UQCC6: variants seen among roughly 807,000 people sequenced by gnomAD.
UQCC6 encodes the protein protein BRAWNIN.
At chr12:103,956,732 C>T in the UQCC6 span, 1 of 1,550,528 alleles carries the variant, frequency 6.4e-7, no homozygotes, top group Non-Finnish European at 8.7e-7. Flanking sequence ...GGCACGCCCG[C>T]GGGCATGGTC....
At chr12:103,960,925 TTACAG>T in the UQCC6 span, among the ~76,000 whole-genome samples, 4 of 152,166 alleles carry the variant, frequency 2.6e-5, no homozygotes, top group Non-Finnish European at 5.9e-5. Context: ...TTTATGGTTC[TTACAG>T]TATACTCCTT....
At chr12:103,955,733 G>C in the UQCC6 span, 1 of 455,712 alleles carries the variant, frequency 2.2e-6, no homozygotes, top group East Asian at 6.9e-5. Flanking sequence ...AAACAGAAAT[G>C]ACTGCTCCCA....
the UQCC6 span, chr12:103,955,791 T>C: frequency 8.8e-6 from 4 of 455,890 alleles, no homozygotes; most frequent in Non-Finnish European, 1.8e-5. Context: ...AACAGCACAT[T>C]CTTGTAATTA....
At chr12:103,959,880 T>C in the UQCC6 span, among the ~76,000 whole-genome samples, 2 of 143,084 alleles carry the variant, frequency 1.4e-5, no homozygotes, top group African/African-American at 5.2e-5. Flanking sequence ...CTTGGCTCAC[T>C]GCACCCTCCG....
At chr12:103,958,802 G>A in the UQCC6 span, among the ~76,000 whole-genome samples, 29 of 152,304 alleles carry the variant, frequency 1.9e-4, no homozygotes, top group African/African-American at 6.7e-4. Context: ...TGACTAATCT[G>A]AGTCACATAC....
the UQCC6 span, among the ~76,000 whole-genome samples, chr12:103,965,023 T>G: frequency 6.6e-6 from 1 of 152,330 alleles, no homozygotes; most frequent in African/African-American, 2.4e-5. Context: ...TGTAAACCAC[T>G]GAAGGTTTGG....
the UQCC6 span, among the ~76,000 whole-genome samples, chr12:103,961,487 C>G: frequency 7.2e-5 from 11 of 152,278 alleles, no homozygotes; most frequent in South Asian, 2.3e-3. Flanking sequence ...TCTGCAAACT[C>G]CATTCATGGT....
chr12:103,959,870 C>A, the UQCC6 span, among the ~76,000 whole-genome samples: 9 of 127,862 alleles, frequency 7.0e-5, no homozygotes, highest in South Asian at 2.4e-3. Context: ...GAGGCACAAT[C>A]TTGGCTCACT....
At chr12:103,965,275 T>A in the UQCC6 span, among the ~76,000 whole-genome samples, 1 of 151,276 alleles carries the variant, frequency 6.6e-6, no homozygotes, top group Non-Finnish European at 1.5e-5. Context: ...AAAAGAGGGG[T>A]TAGTCTGTAA....
chr12:103,959,866 CA>C, the UQCC6 span, among the ~76,000 whole-genome samples: 11 of 130,454 alleles, frequency 8.4e-5, no homozygotes, highest in African/African-American at 2.3e-4. Flanking sequence ...TGCAGAGGCA[CA>C]ATCTTGGCTC....
chr12:103,964,409 C>T, the UQCC6 span, among the ~76,000 whole-genome samples: 2 of 152,094 alleles, frequency 1.3e-5, no homozygotes, highest in Admixed American at 6.5e-5. Flanking sequence ...TGAGCCACCA[C>T]GCCCGGCCTC....
the UQCC6 span, chr12:103,953,687 T>C: frequency 1.5e-6 from 1 of 658,222 alleles, no homozygotes; most frequent in Non-Finnish European, 2.8e-6. Context: ...AGATACCCCA[T>C]TGCCAATGTC....
chr12:103,956,747 G>A, the UQCC6 span: 1 of 1,542,348 alleles, frequency 6.5e-7, no homozygotes, highest in Non-Finnish European at 8.8e-7. Context: ...ATGGTCGGCA[G>A]GCTGGACGGG....
chr12:103,950,823 G>A, the UQCC6 span: 19 of 152,088 alleles, frequency 1.2e-4, no homozygotes, highest in East Asian at 3.3e-3. Flanking sequence ...CAGAAGACTC[G>A]GATTCAAATC....
At chr12:103,952,056 T>C in the UQCC6 span, among the ~76,000 whole-genome samples, 2 of 152,182 alleles carry the variant, frequency 1.3e-5, no homozygotes, top group African/African-American at 4.8e-5. Flanking sequence ...GAAAGCAGTA[T>C]GCAAAAAAAT....
chr12:103,960,202 C>T, the UQCC6 span, among the ~76,000 whole-genome samples: 1 of 152,214 alleles, frequency 6.6e-6, no homozygotes, highest in African/African-American at 2.4e-5. Context: ...TCCCGAGTAG[C>T]TTGAATTACA....
At chr12:103,958,309 T>G in the UQCC6 span, among the ~76,000 whole-genome samples, 1 of 152,024 alleles carries the variant, frequency 6.6e-6, no homozygotes, top group Admixed American at 6.6e-5. Context: ...AAGAGTCTTA[T>G]GGAGGTATAT....
the UQCC6 span, among the ~76,000 whole-genome samples, chr12:103,964,241 C>T: frequency 7.4e-6 from 1 of 135,180 alleles, no homozygotes; most frequent in Non-Finnish European, 1.5e-5. Context: ...CAACCTCTGC[C>T]TCCCTGGTTC....
chr12:103,961,198 AAC>A, the UQCC6 span, among the ~76,000 whole-genome samples: 1 of 152,124 alleles, frequency 6.6e-6, no homozygotes, highest in South Asian at 2.1e-4. Context: ...AAAAATTAAA[AAC>A]AGAAAAAAGG....
Sources: gnomAD v4.1 joint callset for allele counts (sites outside exome capture counted in the v4.1 genomes callset) on GRCh38, gnomAD v4.1.1 for gene constraint, MANE v1.5 for transcripts, NCBI Gene and HGNC (gene_info 2026-07-23, HGNC 2026-07-21) for gene names.